The following ASRGL1 variants were observed in gnomAD, a reference collection of about 807,000 sequenced individuals.
ASRGL1 encodes isoaspartyl peptidase/L-asparaginase.
In ASRGL1, 16 loss-of-function variants were observed where a neutral mutation model predicts 22.4. The ratio of observed to expected loss-of-function variants is 0.71; its 90% CI spans 0.48 to 1.08. The LOEUF is 1.08. ASRGL1 is among the 50% of genes least tolerant of loss of function. The pLI is 0.00. For synonymous variants in ASRGL1, 165 were observed against 159.3 expected, an observed-to-expected ratio of 1.04 and a Z score of -0.27; for missense variants, 412 against 410.1, an observed-to-expected ratio of 1.00 and a Z score of -0.04.
intron 4 of ASRGL1, among the ~76,000 whole-genome samples, chr11:62,369,138 G>A (rs1946694695): frequency 6.6e-6 from 1 of 152,172 alleles, no homozygotes; most frequent in Non-Finnish European, 1.5e-5. Flanking sequence ...GCTTTGCTAG[G>A]CAGAGGTCCC....
intron 4 of ASRGL1, among the ~76,000 whole-genome samples, chr11:62,376,389 C>T (rs192573303): frequency 6.6e-5 from 10 of 152,088 alleles, no homozygotes; most frequent in Non-Finnish European, 1.0e-4. Flanking sequence ...CGTTAAATGT[C>T]TAGTGGGTAT....
At chr11:62,342,296 A>G (rs113532090) in intron 2 of ASRGL1, among the ~76,000 whole-genome samples, 39 of 152,374 alleles carry the variant, frequency 2.6e-4, no homozygotes, top group African/African-American at 9.4e-4. Context: ...TTGGACCAGT[A>G]TAAGCCTTCC....
chr11:62,387,413 T>G (rs1277080676), intron 4 of ASRGL1, among the ~76,000 whole-genome samples: 1 of 152,206 alleles, frequency 6.6e-6, no homozygotes, highest in African/African-American at 2.4e-5. Flanking sequence ...ACATTTGAAC[T>G]GGCCTGGGTA....
chr11:62,375,471 TA>T (rs1946899738), intron 4 of ASRGL1, among the ~76,000 whole-genome samples: 3 of 93,296 alleles, frequency 3.2e-5, no homozygotes, highest in Non-Finnish European at 6.9e-5. Flanking sequence ...TATATATATA[TA>T]TATATATATT....
chr11:62,392,371 A>T lies in ASRGL1; in HGVS notation c.*87A>T, dbSNP rs1380793721. 2.7e-6 allele frequency: 4 copies of T among 1,460,948 alleles called. No individual in the cohort carries two copies. In the African/African-American group the frequency reaches 5.6e-5, roughly 21 times the overall value. 90.5% of individuals were successfully genotyped at this position (1,460,948 alleles called of 1,614,324 possible). A position where few individuals can be genotyped will look rare whatever the true frequency, so the allele number is the denominator to read the frequency against. On this transcript the variant is annotated 3_prime_UTR_variant, in exon 7 of 7. Transcript: ENST00000415229. The stretch of plus-strand genomic sequence containing the variant: ...CATAGCCTAATCAATTAGATCTAGA[A>T]TTGGAAAAATTGTCCCGTCTGTCAC...
intron 2 of ASRGL1, among the ~76,000 whole-genome samples, chr11:62,353,313 T>C (rs1010039851): frequency 1.3e-5 from 2 of 151,852 alleles, no homozygotes; most frequent in Non-Finnish European, 2.9e-5. Context: ...TTTTTAGTTA[T>C]TTCAAGTTCA....
intron 4 of ASRGL1, among the ~76,000 whole-genome samples, chr11:62,368,026 CTG>C (rs751515342): frequency 8.5e-5 from 13 of 152,058 alleles, no homozygotes; most frequent in Non-Finnish European, 1.5e-4. Flanking sequence ...GAGTTTGAGA[CTG>C]TAACCAGTTT....
intron 2 of ASRGL1, among the ~76,000 whole-genome samples, chr11:62,342,529 G>T (rs1241652973): frequency 1.3e-5 from 2 of 152,164 alleles, no homozygotes; most frequent in Non-Finnish European, 2.9e-5. Flanking sequence ...GGCCGAGGCG[G>T]GTGGATCATT....
Position 62,338,031 on chromosome 11 carries a change from T to C in ASRGL1, c.54T>C (p.Asp18=). The C allele has an allele frequency of 1.2e-6, 2 of 1,608,248 alleles. No individual in the cohort carries two copies. The highest frequency in any genetic ancestry group is 1.7e-6 in the Non-Finnish European group (2 of 1,177,814). ...HGGGAGPISK[D]RKERVHQGMV... ...GCGGAGCCGGTCCCATCTCCAAGGA[T>C]CGGAAGGAGCGAGTGCACCAGGGCA... Residue 18 remains aspartate, a synonymous_variant, in exon 2 of 7, where the codon GAT becomes GAC. Transcript: ENST00000415229.
intron 4 of ASRGL1, among the ~76,000 whole-genome samples, chr11:62,361,561 C>G (rs1377090907): frequency 6.8e-6 from 1 of 146,082 alleles, no homozygotes. Flanking sequence ...AATCTCGGCT[C>G]ACTGCAACCT....
At chr11:62,362,461 T>TATATATATTATATAAAATATATAAA (rs1565161736) in intron 4 of ASRGL1, among the ~76,000 whole-genome samples, 1 of 101,224 alleles carries the variant, frequency 9.9e-6, no homozygotes, top group African/African-American at 3.3e-5. Flanking sequence ...ACCAAAAATA[T>TATATATATTATATAAAATATATAAA]ATATATATTA....
intron 4 of ASRGL1, among the ~76,000 whole-genome samples, chr11:62,370,476 A>G (rs1946733161): frequency 6.6e-6 from 1 of 152,152 alleles, no homozygotes; most frequent in African/African-American, 2.4e-5. Flanking sequence ...AGGCCACAGT[A>G]AGCCTCCATA....
chr11:62,397,975 C>G (rs888354606), downstream of ASRGL1, among the ~76,000 whole-genome samples: 7 of 152,008 alleles, frequency 4.6e-5, no homozygotes, highest in Non-Finnish European at 8.8e-5. Context: ...AGTTAGGGCC[C>G]CGGGCCCCTC....
intron 2 of ASRGL1, among the ~76,000 whole-genome samples, chr11:62,339,732 A>G (rs772558687): frequency 1.7e-4 from 26 of 152,198 alleles, no homozygotes; most frequent in Non-Finnish European, 3.2e-4. Flanking sequence ...CATAATTATT[A>G]TCCTCATTTC....
intron 4 of ASRGL1, among the ~76,000 whole-genome samples, chr11:62,387,042 G>A (rs1034406181): frequency 1.4e-5 from 2 of 148,114 alleles, no homozygotes; most frequent in African/African-American, 5.0e-5. Flanking sequence ...ACAGACACAC[G>A]CCACCACACT....
intron 2 of ASRGL1, among the ~76,000 whole-genome samples, chr11:62,343,397 G>A (rs1334134836): frequency 4.9e-4 from 51 of 103,298 alleles, no homozygotes; most frequent in African/African-American, 7.1e-4. Flanking sequence ...AAAAAAAAAA[G>A]GAACTGCCAA....
chr11:62,395,263 C>A (rs987332076), downstream of ASRGL1, among the ~76,000 whole-genome samples: 3 of 152,200 alleles, frequency 2.0e-5, no homozygotes, highest in South Asian at 2.1e-4. Context: ...CCAGATCCCA[C>A]GGTGAACAAG....
At chr11:62,396,772 ATTTTT>A (rs11351188), downstream of ASRGL1, among the ~76,000 whole-genome samples, 1 of 149,896 alleles carries the variant, frequency 6.7e-6, no homozygotes, top group Non-Finnish European at 1.5e-5. Flanking sequence ...GCCTGGGGTG[ATTTTT>A]TTTTTTTTAA....
chr11:62,349,856 C>A (rs1377592647), intron 2 of ASRGL1, among the ~76,000 whole-genome samples: 1 of 151,978 alleles, frequency 6.6e-6, no homozygotes, highest in Non-Finnish European at 1.5e-5. Flanking sequence ...ATTATTCATG[C>A]CTCCCCTTTT....
Sources: gnomAD v4.1 joint callset for allele counts (sites outside exome capture counted in the v4.1 genomes callset) on GRCh38, gnomAD v4.1.1 for gene constraint, MANE v1.5 for transcripts, NCBI Gene and HGNC (gene_info 2026-07-23, HGNC 2026-07-21) for gene names.